Variants in ZBTB20 observed in about 807,000 individuals in gnomAD.
ZBTB20 encodes the protein zinc finger and BTB domain containing 20, also known as zinc finger and BTB domain-containing protein 20.
ZBTB20 carries 9 observed loss-of-function variants against 56.9 expected under a neutral mutation model. The observed-to-expected ratio is 0.16, with a 90% CI of 0.10 to 0.28. The LOEUF is 0.28. Among genes scored for constraint, ZBTB20 ranks in the 10% least tolerant of loss-of-function variants. The pLI, the probability that ZBTB20 is intolerant of heterozygous loss-of-function variation, is 1.00. For missense variants in ZBTB20, 655 were observed against 1,003.0 expected, an observed-to-expected ratio of 0.65 and a Z score of 4.69; for synonymous variants, 417 against 420.7, an observed-to-expected ratio of 0.99 and a Z score of 0.11.
At chr3:114,706,222 C>T (rs1203571919) in intron 5 of ZBTB20, among the ~76,000 whole-genome samples, 1 of 152,064 alleles carries the variant, frequency 6.6e-6, no homozygotes, top group African/African-American at 2.4e-5. Flanking sequence ...AATAAAACCA[C>T]CTATTTTGCA....
At chr3:114,879,717 T>A (rs964248472) in intron 4 of ZBTB20, among the ~76,000 whole-genome samples, 4 of 152,192 alleles carry the variant, frequency 2.6e-5, no homozygotes, top group African/African-American at 9.7e-5. Flanking sequence ...TGTGATAGAA[T>A]TATCTGTTGG....
intron 2 of ZBTB20, among the ~76,000 whole-genome samples, chr3:115,003,687 C>G (rs748760270): frequency 6.6e-5 from 10 of 151,366 alleles, no homozygotes; most frequent in African/African-American, 9.7e-5. Flanking sequence ...CAAAACAAAA[C>G]AACAACAAAA....
intron 6 of ZBTB20, among the ~76,000 whole-genome samples, chr3:114,606,762 T>C (rs1169143734): frequency 3.3e-5 from 5 of 152,122 alleles, no homozygotes; most frequent in South Asian, 2.1e-4. Flanking sequence ...TATAGCTTTA[T>C]AGCAACTGCA....
intron 7 of ZBTB20, among the ~76,000 whole-genome samples, chr3:114,459,859 G>A (rs1272337711): frequency 6.6e-6 from 1 of 151,998 alleles, no homozygotes; most frequent in Non-Finnish European, 1.5e-5. Context: ...AAATTTAGGT[G>A]AATTTTGAAT....
chr3:114,345,143 T>C (rs1020393417), intron 11 of ZBTB20, among the ~76,000 whole-genome samples: 11 of 152,260 alleles, frequency 7.2e-5, no homozygotes, highest in African/African-American at 2.7e-4. Context: ...GTTCACATTT[T>C]AAAATTTTCT....
intron 4 of ZBTB20, among the ~76,000 whole-genome samples, chr3:114,892,493 TA>T (rs2076851697): frequency 6.6e-6 from 1 of 152,130 alleles, no homozygotes; most frequent in South Asian, 2.1e-4. Flanking sequence ...GAATGAGAAG[TA>T]AAAGTATACC....
rs1180955783 is a variant in ZBTB20 at position 114,337,084 on chromosome 3, AT to A, written c.*1920del. ...ATGCAATAGATTGGTGGTCTTTTGA[AT>A]GGTGGCTGTTGGCATCTGGGAATTT... On this transcript the variant is annotated 3_prime_UTR_variant, in exon 12 of 12. Coordinates refer to ENST00000675478, the MANE Select transcript of ZBTB20 (RefSeq NM_001348800.3). The A allele has an allele frequency of 5.3e-5, 8 of 152,238 alleles. No homozygotes were observed. The highest frequency in any genetic ancestry group is 1.2e-4 in the Non-Finnish European group (8 of 68,044). The allele number at this position is 152,238 out of a possible 1,614,324, so 9.4% of individuals were successfully genotyped here. A position where few individuals can be genotyped will look rare whatever the true frequency, so the allele number is the denominator to read the frequency against.
rs143200021 is a variant in ZBTB20 at position 114,374,284 on chromosome 3, C to T, written c.199+5933G>A. Among the ~76,000 whole-genome samples the T allele has an allele frequency of 3.9e-3, 601 of 152,160 alleles. 4 individuals are homozygous for T. Among genetic ancestry groups the T allele is most frequent in the African/African-American group, 0.014 (576 of 41,516 alleles). ...TAAATGAAAAGATAAATATATAATT[C>T]CTTACAGAACATAGAATAAAGCAGA... On this transcript the variant is annotated intron_variant, in intron 10 of 11. Transcript: ENST00000675478.
chr3:114,872,568 T>C (rs1021598321), intron 4 of ZBTB20, among the ~76,000 whole-genome samples: 17 of 151,796 alleles, frequency 1.1e-4, no homozygotes, highest in African/African-American at 3.6e-4. Flanking sequence ...ATAAGACGTT[T>C]GGGGAAAGGA....
intron 7 of ZBTB20, among the ~76,000 whole-genome samples, chr3:114,495,553 T>C (rs959125525): frequency 6.6e-6 from 1 of 152,196 alleles, no homozygotes; most frequent in Non-Finnish European, 1.5e-5. Context: ...TTAGTAATAC[T>C]TTATTTCTCT....
chr3:114,465,622 G>A (rs1429530082), intron 7 of ZBTB20, among the ~76,000 whole-genome samples: 5 of 151,798 alleles, frequency 3.3e-5, no homozygotes, highest in African/African-American at 1.2e-4. Flanking sequence ...CAGGAGAATC[G>A]CTTGAACCCA....
At chr3:114,953,797 C>G (rs1026425210) in intron 3 of ZBTB20, among the ~76,000 whole-genome samples, 1 of 151,882 alleles carries the variant, frequency 6.6e-6, no homozygotes, top group South Asian at 2.1e-4. Flanking sequence ...CAGTAATAGA[C>G]TAATATATAA....
chr3:114,425,250 A>G (rs1025964104), intron 7 of ZBTB20, among the ~76,000 whole-genome samples: 2 of 152,184 alleles, frequency 1.3e-5, no homozygotes, highest in Non-Finnish European at 2.9e-5. Flanking sequence ...CTGGCCCTCT[A>G]CAAATTTAGC....
chr3:114,775,876 G>A (rs2069567342), intron 5 of ZBTB20, among the ~76,000 whole-genome samples: 2 of 152,142 alleles, frequency 1.3e-5, no homozygotes, highest in South Asian at 4.1e-4. Flanking sequence ...CAGGTACAGT[G>A]TCTTTAGGAT....
At chr3:114,814,531 G>A (rs1359615524) in intron 4 of ZBTB20, among the ~76,000 whole-genome samples, 2 of 151,746 alleles carry the variant, frequency 1.3e-5, no homozygotes, top group African/African-American at 4.8e-5. Flanking sequence ...TTCTACCTTC[G>A]AAGCTATTCA....
intron 7 of ZBTB20, among the ~76,000 whole-genome samples, chr3:114,485,794 G>A (rs2042053028): frequency 6.6e-6 from 1 of 152,022 alleles, no homozygotes; most frequent in Admixed American, 6.6e-5. Flanking sequence ...CAAGAGGTGC[G>A]ATCTTGGAAG....
At chr3:114,619,901 A>G (rs993848123) in intron 6 of ZBTB20, among the ~76,000 whole-genome samples, 2 of 152,166 alleles carry the variant, frequency 1.3e-5, no homozygotes, top group Admixed American at 1.3e-4. Flanking sequence ...GGGCATCCAT[A>G]GCCAGTCTTC....
At position 114,339,319 on chromosome 3, in the gene ZBTB20, T is replaced by C. The variant is rs2079589717; in HGVS notation, c.1912A>G (p.Ile638Val). ...TTCTGGGTGAAGCGCTTGTTGCAGA[T>C]ACTACACTGGTATGCCCTCACTCCT... is the stretch of plus-strand genomic sequence containing the variant. ...HTGVRAYQCSICNKRFTQKSS... is the reference protein window; with the variant it reads ...HTGVRAYQCSVCNKRFTQKSS... The change falls in exon 12 of 12, where the codon ATC becomes GTC. Residue 638 changes from isoleucine (I) to valine (V), a missense_variant. This residue lies in a region of ZBTB20 where 10 missense variants were observed against 98.5 expected (regional missense o/e 0.10). Coordinates refer to ENST00000675478, the MANE Select transcript of ZBTB20 (RefSeq NM_001348800.3). The surrounding 1 kb of genome is among the most constrained non-coding windows in gnomAD (Gnocchi z 4.2). The C allele has an allele frequency of 2.5e-6, 4 of 1,614,200 alleles. No individual in the cohort carries two copies. In the East Asian group the frequency reaches 6.7e-5, roughly 27 times the overall value.
intron 3 of ZBTB20, chr3:114,904,251 GC>G (rs2075238266): frequency 6.6e-6 from 1 of 151,954 alleles, no homozygotes; most frequent in Non-Finnish European, 1.5e-5. Context: ...TACTAGTTGG[GC>G]CTGGCTAGAG....
Sources: allele counts gnomAD v4.1 joint callset (sites outside exome capture counted in the v4.1 genomes callset), GRCh38; gene constraint gnomAD v4.1.1; regional missense constraint gnomAD v4.1.1; non-coding constraint Gnocchi (gnomAD v3.1); transcripts MANE v1.5; gene names NCBI Gene and HGNC (gene_info 2026-07-23, HGNC 2026-07-21).